The following ITCH variants were observed in gnomAD, a reference collection of about 807,000 sequenced individuals.
The protein encoded by ITCH is E3 ubiquitin-protein ligase Itchy homolog.
In ITCH, 28 loss-of-function variants were observed where a neutral mutation model predicts 126.8. That is an observed-to-expected ratio of 0.22 (90% confidence interval 0.16 to 0.30). ITCH has a LOEUF of 0.30. ITCH is among the 10% of genes least tolerant of loss of function. The pLI, the probability that ITCH is intolerant of heterozygous loss-of-function variation, is 1.00. For synonymous variants in ITCH, 342 were observed against 340.0 expected, an observed-to-expected ratio of 1.01 and a Z score of -0.06; for missense variants, 631 against 1,032.4, an observed-to-expected ratio of 0.61 and a Z score of 5.33.
intron 3 of ITCH, among the ~76,000 whole-genome samples, chr20:34,397,776 T>C (rs1268180062): frequency 1.3e-5 from 2 of 152,116 alleles, no homozygotes; most frequent in Admixed American, 6.6e-5. Context: ...AGCTGACTTA[T>C]ATCAGACCAG....
At chr20:34,455,758 A>G (rs1305360182) in intron 12 of ITCH, among the ~76,000 whole-genome samples, 2 of 151,948 alleles carry the variant, frequency 1.3e-5, no homozygotes, top group African/African-American at 4.8e-5. Flanking sequence ...AATTACAGGC[A>G]TGAGCTACTG....
intron 3 of ITCH, among the ~76,000 whole-genome samples, chr20:34,396,707 G>A (rs1466626506): frequency 6.6e-6 from 1 of 151,934 alleles, no homozygotes; most frequent in Non-Finnish European, 1.5e-5. Context: ...CTCCTTTGAT[G>A]GCTAATGATA....
At chr20:34,488,465 A>G (rs1380581350) in intron 20 of ITCH, among the ~76,000 whole-genome samples, 1 of 152,206 alleles carries the variant, frequency 6.6e-6, no homozygotes, top group Admixed American at 6.5e-5. Context: ...CTGTAATCCC[A>G]GCACTTTGGG....
rs1406424967 is a variant in ITCH at position 34,510,956 on chromosome 20, T to G, written c.*3162T>G. The stretch of plus-strand genomic sequence containing the variant: ...AATGAACTATTTCAGTCAAGCCCAC[T>G]CTACCACTTTTTACTTATCTGGTTA... On this transcript the variant is annotated 3_prime_UTR_variant, in exon 25 of 25. Transcript: ENST00000374864. 6.6e-6 allele frequency: 1 copy of G among 152,196 alleles called. No homozygotes were observed. Among genetic ancestry groups the G allele is most frequent in the African/African-American group, 2.4e-5 (1 of 41,442 alleles). 9.4% of individuals were successfully genotyped at this position (152,196 alleles called of 1,614,324 possible).
intron 17 of ITCH, among the ~76,000 whole-genome samples, chr20:34,479,364 A>G (rs536883888): frequency 3.3e-4 from 50 of 152,344 alleles, no homozygotes; most frequent in Admixed American, 1.5e-3. Flanking sequence ...GGAAAATACA[A>G]TTTAGTCGTT....
At position 34,480,784 on chromosome 20, in the gene ITCH, TGTA is replaced by T. The variant is rs753365437; in HGVS notation, c.1952+56_1952+58del. The T allele has an allele frequency of 3.4e-5, 48 of 1,391,700 alleles. No individual in the cohort carries two copies. The South Asian group carries it at 5.5e-4, about 16-fold the overall frequency. 86.2% of individuals were successfully genotyped at this position (1,391,700 alleles called of 1,614,324 possible). A position where few individuals can be genotyped will look rare whatever the true frequency, so the allele number is the denominator to read the frequency against. ...TTAAAATATAGTTATATGCATTCCG[TGTA>T]GTATTGATAACTTATCCAAACTGTA... On this transcript the variant is annotated intron_variant, in intron 19 of 24. Coordinates refer to ENST00000374864, the MANE Select transcript of ITCH (RefSeq NM_031483.7).
chr20:34,478,564 T>C (rs6087588), intron 17 of ITCH, among the ~76,000 whole-genome samples: 74,263 of 151,928 alleles, frequency 0.49, 18,418 homozygotes, highest in Middle Eastern at 0.51. Context: ...TTTTCTGCTC[T>C]CAATAGTGTG....
At chr20:34,446,585 T>G (rs1984498549) in intron 11 of ITCH, among the ~76,000 whole-genome samples, 1 of 152,240 alleles carries the variant, frequency 6.6e-6, no homozygotes, top group Non-Finnish European at 1.5e-5. Flanking sequence ...CCAGTGGTTT[T>G]AAAGCTGAAA....
intron 17 of ITCH, 85 bp from the exon 18 acceptor site, chr20:34,479,545 A>G: frequency 3.6e-6 from 4 of 1,097,936 alleles, no homozygotes; most frequent in Non-Finnish European, 5.5e-6. Flanking sequence ...TGAGGGGTAT[A>G]GATCCCTGAG....
intron 16 of ITCH, among the ~76,000 whole-genome samples, chr20:34,473,465 G>A (rs1191953874): frequency 6.6e-6 from 1 of 152,174 alleles, no homozygotes; most frequent in Admixed American, 6.5e-5. Flanking sequence ...CCTTGCATGA[G>A]AGAATGGCGC....
intron 2 of ITCH, among the ~76,000 whole-genome samples, chr20:34,376,296 A>G (rs758010466): frequency 1.3e-5 from 2 of 151,912 alleles, no homozygotes; most frequent in Non-Finnish European, 2.9e-5. Flanking sequence ...GCCAGGCATG[A>G]TGGTGGTGTG....
intron 23 of ITCH, among the ~76,000 whole-genome samples, chr20:34,503,438 G>C (rs1990386839): frequency 6.6e-6 from 1 of 152,032 alleles, no homozygotes; most frequent in African/African-American, 2.4e-5. Context: ...GTAAATGAGG[G>C]GCAAGTATTT....
intron 2 of ITCH, among the ~76,000 whole-genome samples, chr20:34,372,651 A>G (rs542494932): frequency 6.6e-6 from 1 of 152,020 alleles, no homozygotes; most frequent in African/African-American, 2.4e-5. Context: ...ATGTGCTGGG[A>G]TTACAGGCAT....
In ITCH at chr20:34,458,673, CTCCTGGCTTCTTGTAGCTCCTTGGCT is replaced by C. The variant is rs1157301155; in HGVS notation, c.1295+1201_1295+1226del. 2.0e-5 allele frequency among the ~76,000 whole-genome samples: 3 copies of C among 152,172 alleles called. No individual in the cohort carries two copies. The East Asian group carries it at 5.8e-4, about 29-fold the overall frequency. On this transcript the variant is annotated intron_variant, in intron 13 of 24. Coordinates refer to ENST00000374864, the MANE Select transcript of ITCH (RefSeq NM_031483.7). ...AGGAAGAGATCTGTTCCAGGTCTTTCTCCTGGCTTCTTGTAGCTCCTTGGCTTGTGGCAGCATGAATCCAGTCTTCA... is the reference window on the plus strand; with the variant it reads ...AGGAAGAGATCTGTTCCAGGTCTTTCTGTGGCAGCATGAATCCAGTCTTCA...
intron 23 of ITCH, among the ~76,000 whole-genome samples, chr20:34,500,627 C>T (rs2146550872): frequency 6.6e-6 from 1 of 152,214 alleles, no homozygotes; most frequent in South Asian, 2.1e-4. Context: ...TCTATTCAGC[C>T]AGTCTATATC....
intron 7 of ITCH, among the ~76,000 whole-genome samples, chr20:34,435,470 A>G (rs895239664): frequency 6.6e-6 from 1 of 151,912 alleles, no homozygotes; most frequent in Non-Finnish European, 1.5e-5. Flanking sequence ...CAGCCGGCCG[A>G]TTTCTTCTTT....
At chr20:34,390,402 A>G (rs953457120) in intron 2 of ITCH, among the ~76,000 whole-genome samples, 2 of 150,064 alleles carry the variant, frequency 1.3e-5, no homozygotes, top group African/African-American at 4.9e-5. Flanking sequence ...CCATGCTATA[A>G]TGTCTTCTGT....
chr20:34,424,571 T>C, intron 7 of ITCH, 46 bp downstream of exon 7: 1 of 1,448,384 alleles, frequency 6.9e-7, no homozygotes, highest in Non-Finnish European at 9.7e-7. Flanking sequence ...AGAGATAGAT[T>C]TCCTAAATAT....
At chr20:34,469,619 G>C (rs934561389) in intron 14 of ITCH, among the ~76,000 whole-genome samples, 3 of 152,104 alleles carry the variant, frequency 2.0e-5, no homozygotes, top group African/African-American at 7.2e-5. Context: ...CGTTTCATAT[G>C]CCACTTTCAC....
Sources: allele counts gnomAD v4.1 joint callset (sites outside exome capture counted in the v4.1 genomes callset), GRCh38; gene constraint gnomAD v4.1.1; transcripts MANE v1.5; gene names NCBI Gene and HGNC (gene_info 2026-07-23, HGNC 2026-07-21).